The following GALNT7 variants were observed in gnomAD, a reference collection of about 807,000 sequenced individuals.
GALNT7 encodes the protein N-acetylgalactosaminyltransferase 7.
GALNT7 carries 60 observed loss-of-function variants against 82.1 expected under a neutral mutation model. The ratio of observed to expected loss-of-function variants is 0.73; its 90% CI spans 0.59 to 0.91. GALNT7 has a LOEUF of 0.91. Among genes scored for constraint, GALNT7 ranks in the 40% least tolerant of loss-of-function variants. The pLI is 0.00. For synonymous variants in GALNT7, 243 were observed against 275.1 expected (o/e 0.88, Z 1.15); for missense variants, 660 against 804.2 (o/e 0.82, Z 2.17).
intron 2 of GALNT7, among the ~76,000 whole-genome samples, chr4:173,256,700 A>G (rs569829873): frequency 1.3e-5 from 2 of 152,310 alleles, no homozygotes; most frequent in East Asian, 1.9e-4. Context: ...AATTGCACCT[A>G]AAAGGTAGGC....
intron 1 of GALNT7, among the ~76,000 whole-genome samples, chr4:173,176,543 A>G (rs1018426543): frequency 1.3e-5 from 2 of 152,178 alleles, no homozygotes; most frequent in African/African-American, 4.8e-5. Context: ...TTTTGGCCAC[A>G]GTTTGTGGGC....
In GALNT7 at chr4:173,183,966, G is replaced by A. The variant is rs1316288230; in HGVS notation, c.126+15005G>A. On this transcript the variant is annotated intron_variant, in intron 1 of 11. Coordinates refer to ENST00000265000, the MANE Select transcript of GALNT7 (RefSeq NM_017423.3). ...CGCTCCTCACCTCCCAGACGGGGTCGCGGCCGGGCAGAGGCGCTCTTCACA... is the reference window on the plus strand; with the variant it reads ...CGCTCCTCACCTCCCAGACGGGGTCACGGCCGGGCAGAGGCGCTCTTCACA... 8.6e-5 allele frequency among the ~76,000 whole-genome samples: 13 copies of A among 150,796 alleles called. No homozygotes were observed. The East Asian group carries it at 2.0e-3, about 23-fold the overall frequency.
chr4:173,287,387 A>G (rs1205405563), intron 2 of GALNT7, among the ~76,000 whole-genome samples: 2 of 152,270 alleles, frequency 1.3e-5, no homozygotes, highest in Non-Finnish European at 2.9e-5. Context: ...GAAGGCCTCT[A>G]TACGGCAGTG....
intron 1 of GALNT7, among the ~76,000 whole-genome samples, chr4:173,192,084 T>C (rs972720950): frequency 3.3e-5 from 5 of 152,192 alleles, no homozygotes; most frequent in African/African-American, 1.2e-4. Context: ...AGTAGGACTT[T>C]GTCAGGCTGA....
At chr4:173,172,332 G>A (rs1731904307) in intron 1 of GALNT7, among the ~76,000 whole-genome samples, 1 of 152,188 alleles carries the variant, frequency 6.6e-6, no homozygotes, top group South Asian at 2.1e-4. Flanking sequence ...ATGCTCACTT[G>A]AGGCATTTTT....
At chr4:173,238,573 A>C (rs146814648) in intron 1 of GALNT7, among the ~76,000 whole-genome samples, 13 of 152,350 alleles carry the variant, frequency 8.5e-5, no homozygotes, top group African/African-American at 3.1e-4. Context: ...AAACTTTGAC[A>C]AATGCAGTTT....
At chr4:173,216,923 G>A (rs1464673777) in intron 1 of GALNT7, among the ~76,000 whole-genome samples, 2 of 150,808 alleles carry the variant, frequency 1.3e-5, no homozygotes, top group Admixed American at 1.3e-4. Context: ...TAGAGACGAG[G>A]TTTCACCATG....
chr4:173,173,577 C>A (rs937380583), intron 1 of GALNT7, among the ~76,000 whole-genome samples: 2 of 152,042 alleles, frequency 1.3e-5, no homozygotes, highest in South Asian at 4.2e-4. Context: ...GAAACTGTTC[C>A]GCCTCAGATC....
intron 1 of GALNT7, among the ~76,000 whole-genome samples, chr4:173,182,525 G>A (rs2126629323): frequency 6.6e-6 from 1 of 152,244 alleles, no homozygotes. Flanking sequence ...GGTGCTAAAA[G>A]TAAGAATGAT....
At chr4:173,182,683 C>T (rs1309646346) in intron 1 of GALNT7, among the ~76,000 whole-genome samples, 3 of 150,708 alleles carry the variant, frequency 2.0e-5, no homozygotes, top group Non-Finnish European at 4.4e-5. Context: ...CACACACACA[C>T]ACACACACAC....
chr4:173,252,538 G>A (rs1734885411), intron 2 of GALNT7, among the ~76,000 whole-genome samples: 1 of 152,188 alleles, frequency 6.6e-6, no homozygotes, highest in South Asian at 2.1e-4. Context: ...ACTTCTGTAT[G>A]TGATAGCTTT....
intron 1 of GALNT7, among the ~76,000 whole-genome samples, chr4:173,234,450 C>T (rs1405254154): frequency 6.6e-6 from 1 of 152,202 alleles, no homozygotes; most frequent in Non-Finnish European, 1.5e-5. Flanking sequence ...AACTCATCAT[C>T]TTCAATTCTG....
chr4:173,261,308 G>T (rs1344622724), intron 2 of GALNT7, among the ~76,000 whole-genome samples: 1 of 151,964 alleles, frequency 6.6e-6, no homozygotes, highest in Non-Finnish European at 1.5e-5. Flanking sequence ...GCACAGCTTG[G>T]GGATGTATAT....
intron 2 of GALNT7, among the ~76,000 whole-genome samples, chr4:173,266,868 GGTGTGTGTGTGTGTGTGT>G (rs71596614): frequency 0.018 from 1,698 of 95,132 alleles, 30 homozygotes; most frequent in South Asian, 0.053. Flanking sequence ...GGCTGGGAAG[GGTGTGTGTGTGTGTGTGT>G]GTGTGTGTGT....
intron 1 of GALNT7, among the ~76,000 whole-genome samples, chr4:173,244,329 C>T (rs989836859): frequency 6.6e-6 from 1 of 152,186 alleles, no homozygotes. Context: ...TGCCAACCCC[C>T]TTGAGGAGTG....
intron 1 of GALNT7, among the ~76,000 whole-genome samples, chr4:173,239,575 A>G (rs1734352667): frequency 6.6e-6 from 1 of 152,180 alleles, no homozygotes. Context: ...CAAACAAACA[A>G]AACAGGACCC....
intron 2 of GALNT7, among the ~76,000 whole-genome samples, chr4:173,291,750 C>CA (rs1291420646): frequency 7.1e-6 from 1 of 140,786 alleles, no homozygotes; most frequent in Non-Finnish European, 1.5e-5. Flanking sequence ...TCTCTTGTGC[C>CA]AAAAGCTCAT....
chr4:173,199,661 G>A (rs1465966503), intron 1 of GALNT7, among the ~76,000 whole-genome samples: 1 of 152,124 alleles, frequency 6.6e-6, no homozygotes, highest in Non-Finnish European at 1.5e-5. Flanking sequence ...ATTAAAACTT[G>A]CTTCATCTGT....
At chr4:173,286,112 A>G (rs961740058) in intron 2 of GALNT7, among the ~76,000 whole-genome samples, 1 of 152,246 alleles carries the variant, frequency 6.6e-6, no homozygotes, top group African/African-American at 2.4e-5. Flanking sequence ...TCGGATATCC[A>G]CTTTGAGGTA....
Sources: allele counts gnomAD v4.1 joint callset (sites outside exome capture counted in the v4.1 genomes callset), GRCh38; gene constraint gnomAD v4.1.1; transcripts MANE v1.5; gene names NCBI Gene and HGNC (gene_info 2026-07-23, HGNC 2026-07-21).